MAGI3: variants seen among roughly 807,000 people sequenced by gnomAD.
The protein encoded by MAGI3 is membrane associated guanylate kinase, WW and PDZ domain containing 3, also known as membrane-associated guanylate kinase, WW and PDZ domain-containing protein 3.
Under a neutral mutation model 121.8 loss-of-function variants are expected in MAGI3, and 43 were observed. That is an observed-to-expected ratio of 0.35 (90% CI 0.28 to 0.46). The LOEUF is 0.46. Among genes scored for constraint, MAGI3 ranks in the 20% least tolerant of loss-of-function variants. The pLI is 1.00. For missense variants in MAGI3, 1,547 were observed against 1,797.3 expected, an observed-to-expected ratio of 0.86 and a Z score of 2.52; for synonymous variants, 553 against 639.3, an observed-to-expected ratio of 0.86 and a Z score of 2.04.
chr1:113,421,212 G>A (rs1008598899), intron 1 of MAGI3, among the ~76,000 whole-genome samples: 32 of 152,020 alleles, frequency 2.1e-4, no homozygotes, highest in Admixed American at 1.4e-3. Flanking sequence ...CATGGTTTCT[G>A]TAGCTTCTTC....
intron 1 of MAGI3, among the ~76,000 whole-genome samples, chr1:113,544,834 A>G (rs1177757522): frequency 6.6e-6 from 1 of 152,222 alleles, no homozygotes; most frequent in Non-Finnish European, 1.5e-5. Context: ...CTTTGCTTCT[A>G]TAATCTTGCA....
intron 5 of MAGI3, among the ~76,000 whole-genome samples, chr1:113,593,485 G>A (rs139017401): frequency 0.023 from 3,505 of 152,190 alleles, 142 homozygotes; most frequent in African/African-American, 0.079. Flanking sequence ...CAAGGCTGCC[G>A]TGAGCTGTGA....
At chr1:113,625,957 TTTTG>T (rs2101795064) in intron 9 of MAGI3, among the ~76,000 whole-genome samples, 1 of 152,236 alleles carries the variant, frequency 6.6e-6, no homozygotes, top group South Asian at 2.1e-4. Flanking sequence ...ATTATAGTTT[TTTTG>T]TTTTTGTTTT....
chr1:113,598,380 A>T (rs1197577557), intron 6 of MAGI3, among the ~76,000 whole-genome samples: 2 of 152,196 alleles, frequency 1.3e-5, no homozygotes, highest in Non-Finnish European at 2.9e-5. Flanking sequence ...TGAAAGAAGA[A>T]GATTGGCAGA....
At chr1:113,534,563 G>A (rs938409140) in intron 1 of MAGI3, among the ~76,000 whole-genome samples, 1 of 151,890 alleles carries the variant, frequency 6.6e-6, no homozygotes, top group Non-Finnish European at 1.5e-5. Context: ...TTTCTCTTGG[G>A]TACATACTCC....
chr1:113,438,396 C>T (rs1030846169), intron 1 of MAGI3, among the ~76,000 whole-genome samples: 2 of 152,154 alleles, frequency 1.3e-5, no homozygotes, highest in African/African-American at 4.8e-5. Flanking sequence ...AAATTTAATG[C>T]CTTTTCCATC....
At chr1:113,670,346 A>G (rs1468779717) in intron 16 of MAGI3, among the ~76,000 whole-genome samples, 1 of 152,190 alleles carries the variant, frequency 6.6e-6, no homozygotes, top group Non-Finnish European at 1.5e-5. Context: ...TTTTAGTCTC[A>G]CAGCACTTTG....
At chr1:113,444,790 A>C (rs371542636) in intron 1 of MAGI3, among the ~76,000 whole-genome samples, 2 of 152,186 alleles carry the variant, frequency 1.3e-5, no homozygotes, top group African/African-American at 4.8e-5. Context: ...TGTCAAATCT[A>C]CTTGACAAAG....
At chr1:113,580,770 CCTCT>C in intron 3 of MAGI3, 109 bp downstream of exon 3, 2 of 1,103,926 alleles carry the variant, frequency 1.8e-6, no homozygotes, top group Non-Finnish European at 2.4e-6. Context: ...AACTTTTTTT[CCTCT>C]CTGTTTTTGA....
chr1:113,640,973 A>G (rs1367476932), intron 9 of MAGI3, among the ~76,000 whole-genome samples: 2 of 131,440 alleles, frequency 1.5e-5, no homozygotes, highest in African/African-American at 5.7e-5. Flanking sequence ...TATATATGAT[A>G]TATAATATAT....
At position 113,646,473 on chromosome 1, in the gene MAGI3, T is replaced by C. The variant is rs1434524560; in HGVS notation, c.1999-13T>C. On this transcript the variant is annotated splice_polypyrimidine_tract_variant and intron_variant, in intron 11 of 20. Transcript: ENST00000307546. ...TTTTAAAAAATACTAAGTAAGGCTC[T>C]TTTCCATTTCAGAAAACAGATAAAA... 1 of 1,582,488 alleles carries C rather than the reference T, an allele frequency of 6.3e-7. No homozygotes were observed. The highest frequency in any genetic ancestry group is 8.6e-7 in the Non-Finnish European group (1 of 1,168,156).
intron 1 of MAGI3, among the ~76,000 whole-genome samples, chr1:113,530,128 T>G (rs936729286): frequency 6.6e-6 from 1 of 152,178 alleles, no homozygotes; most frequent in African/African-American, 2.4e-5. Context: ...ACATTTTTGT[T>G]CTTTTCTCAA....
intron 1 of MAGI3, among the ~76,000 whole-genome samples, chr1:113,416,330 A>G (rs181754907): frequency 0.26 from 12,482 of 48,424 alleles, 1,678 homozygotes; most frequent in Non-Finnish European, 0.32. Context: ...AATTAATTAT[A>G]TATCAATCAT....
At chr1:113,453,259 C>CT (rs1380885425) in intron 1 of MAGI3, among the ~76,000 whole-genome samples, 1 of 152,162 alleles carries the variant, frequency 6.6e-6, no homozygotes. Flanking sequence ...CTGGAGACTG[C>CT]TGTCATCTTT....
chr1:113,437,880 C>CCTCTTCCTCTT (rs1653691903), intron 1 of MAGI3, among the ~76,000 whole-genome samples: 4 of 17,022 alleles, frequency 2.3e-4, no homozygotes, highest in African/African-American at 3.7e-4. Context: ...TTCTTCTTCT[C>CCTCTTCCTCTT]CTTCTCCTTC....
At chr1:113,505,570 C>T (rs1657286789) in intron 1 of MAGI3, among the ~76,000 whole-genome samples, 1 of 128,450 alleles carries the variant, frequency 7.8e-6, no homozygotes, top group African/African-American at 2.9e-5. Flanking sequence ...AATGTCAGAT[C>T]ACATAAAAGC....
At chr1:113,393,270 G>A (rs894918597) in intron 1 of MAGI3, among the ~76,000 whole-genome samples, 3 of 152,160 alleles carry the variant, frequency 2.0e-5, no homozygotes, top group African/African-American at 7.2e-5. Context: ...CCTCTTGACA[G>A]CCACAGACAC....
chr1:113,426,320 T>C (rs1438136286), intron 1 of MAGI3, among the ~76,000 whole-genome samples: 3 of 152,216 alleles, frequency 2.0e-5, no homozygotes, highest in Non-Finnish European at 2.9e-5. Flanking sequence ...GCCCAAGATA[T>C]GGCCTTTCTT....
intron 11 of MAGI3, among the ~76,000 whole-genome samples, chr1:113,644,640 A>C (rs1415972623): frequency 6.6e-6 from 1 of 152,196 alleles, no homozygotes; most frequent in Non-Finnish European, 1.5e-5. Flanking sequence ...CTTGTTGTCA[A>C]AGTGAAAGAC....
Sources: allele counts gnomAD v4.1 joint callset (sites outside exome capture counted in the v4.1 genomes callset), GRCh38; gene constraint gnomAD v4.1.1; transcripts MANE v1.5; gene names NCBI Gene and HGNC (gene_info 2026-07-23, HGNC 2026-07-21).